The following NPRL3 variants were observed in gnomAD, a reference collection of about 807,000 sequenced individuals.
The protein encoded by NPRL3 is NPR3 like, GATOR1 complex subunit, also known as GATOR1 complex protein NPRL3.
In NPRL3, 23 loss-of-function variants were observed where a neutral mutation model predicts 57.2. The observed-to-expected ratio is 0.40, with a 90% CI of 0.29 to 0.57. NPRL3 has a LOEUF of 0.57. Among genes scored for constraint, NPRL3 ranks in the 20% least tolerant of loss-of-function variants. The probability of loss-of-function intolerance (pLI) is 0.42; values close to 1 mark genes in which losing one functional copy is unlikely to be tolerated. For missense variants in NPRL3, 691 were observed against 767.1 expected, an observed-to-expected ratio of 0.90 and a Z score of 1.17; for synonymous variants, 333 against 321.1, an observed-to-expected ratio of 1.04 and a Z score of -0.39.
At position 85,670 on chromosome 16, in the gene NPRL3, G is replaced by A. The variant is rs765313318; in HGVS notation, c.*1035C>T. 1.1e-5 allele frequency: 17 copies of A among 1,578,698 alleles called. No individual in the cohort carries two copies. Among genetic ancestry groups the A allele is most frequent in the East Asian group, 2.3e-5 (1 of 44,292 alleles). Reference sequence around the variant, plus strand: ...TGTAGTGGCAGCAGCCCGGGTGGGCGTCGGCCATGCAGGGGAGTGGGCCCG... The same window carrying A: ...TGTAGTGGCAGCAGCCCGGGTGGGCATCGGCCATGCAGGGGAGTGGGCCCG... On this transcript the variant is annotated 3_prime_UTR_variant, in exon 14 of 14. Transcript: ENST00000611875.
At chr16:100,751 C>T (rs1437091971) in intron 7 of NPRL3, among the ~76,000 whole-genome samples, 9 of 132,710 alleles carry the variant, frequency 6.8e-5, no homozygotes, top group East Asian at 4.2e-4. Context: ...GGGCGGATCA[C>T]GAGGTCAGCA....
chr16:130,447 G>T, intron 3 of NPRL3, 75 bp downstream of exon 3: 2 of 1,409,638 alleles, frequency 1.4e-6, no homozygotes, highest in Middle Eastern at 2.2e-4. Flanking sequence ...ACATCTGGGT[G>T]AATAGGAGGG....
At chr16:100,223 T>A in intron 8 of NPRL3, 149 bp downstream of exon 8, 1 of 806,524 alleles carries the variant, frequency 1.2e-6, no homozygotes, top group South Asian at 2.8e-5. Context: ...GTGTTTTAAC[T>A]TCTATAAACG....
At chr16:93,158 C>T in intron 10 of NPRL3, 61 bp downstream of exon 10, 1 of 1,091,650 alleles carries the variant, frequency 9.2e-7, no homozygotes, top group South Asian at 1.3e-5. Context: ...ATCTGGAGGG[C>T]CCTGCCAGCC....
intron 5 of NPRL3, among the ~76,000 whole-genome samples, chr16:115,751 G>A (rs1037588588): frequency 5.3e-5 from 8 of 152,202 alleles, no homozygotes; most frequent in African/African-American, 1.9e-4. Context: ...CTCCCAAAGT[G>A]CTGGTATTAC....
chr16:124,412 G>A (rs2141970064), intron 3 of NPRL3, among the ~76,000 whole-genome samples: 1 of 150,954 alleles, frequency 6.6e-6, no homozygotes, highest in South Asian at 2.1e-4. Context: ...TGCTACTCAA[G>A]CTGGTCTCAT....
At chr16:111,249 A>C (rs904534772) in intron 6 of NPRL3, among the ~76,000 whole-genome samples, 3 of 151,788 alleles carry the variant, frequency 2.0e-5, no homozygotes, top group African/African-American at 7.3e-5. Context: ...AAATACAAAA[A>C]ATTAGCCGGG....
intron 7 of NPRL3, among the ~76,000 whole-genome samples, chr16:102,395 A>T (rs985310442): frequency 1.3e-5 from 2 of 152,198 alleles, no homozygotes; most frequent in African/African-American, 4.8e-5. Flanking sequence ...TACTCTTGTC[A>T]AGGCCTGGCT....
chr16:137,948 T>C (rs569907867), intron 2 of NPRL3, among the ~76,000 whole-genome samples: 26 of 152,268 alleles, frequency 1.7e-4, no homozygotes, highest in African/African-American at 6.3e-4. Flanking sequence ...ACTGATGAAA[T>C]GTCAGCAGTA....
At position 130,610 on chromosome 16, in the gene NPRL3, A is replaced by T; in HGVS notation, c.119-19T>A. ...GGCTTACCTGAGTCGGGGCGAAAAGAGGGGAAGGGCTAAGAAAACAGGGTC... is the reference window on the plus strand; with the variant it reads ...GGCTTACCTGAGTCGGGGCGAAAAGTGGGGAAGGGCTAAGAAAACAGGGTC... On this transcript the variant is annotated intron_variant, in intron 2 of 13. Coordinates refer to ENST00000611875, the MANE Select transcript of NPRL3 (RefSeq NM_001077350.3). 3.9e-6 allele frequency: 6 copies of T among 1,552,166 alleles called. No homozygotes were observed. Among genetic ancestry groups the T allele is most frequent in the Non-Finnish European group, 5.2e-6 (6 of 1,147,520 alleles).
chr16:89,590 G>C, intron 12 of NPRL3, 123 bp downstream of exon 12: 1 of 902,982 alleles, frequency 1.1e-6, no homozygotes, highest in Non-Finnish European at 1.6e-6. Context: ...CGAGGCACGT[G>C]CATGTGCGTG....
At chr16:134,357 G>A (rs544567636) in intron 2 of NPRL3, among the ~76,000 whole-genome samples, 28 of 151,980 alleles carry the variant, frequency 1.8e-4, no homozygotes, top group Admixed American at 1.4e-3. Context: ...ATACTTTCCC[G>A]GAGTAAAAAA....
At position 92,611 on chromosome 16, in the gene NPRL3, G is replaced by A. The variant is rs545315227; in HGVS notation, c.1146C>T (p.Ala382=). The change falls in exon 11 of 14, where the codon GCC becomes GCT. Residue 382 remains alanine, a synonymous_variant. Transcript: ENST00000611875. The stretch of plus-strand genomic sequence containing the variant: ...TGTGACTCACCTCCTGCACAGCGGG[G>A]GCCAGGGGATTCCTAAATTCTGACA... ...VSLSEFRNPL[A]PAVQETQLIQ... is the part of the protein sequence containing the mutation. 23 of 1,613,416 alleles carry A rather than the reference G, an allele frequency of 1.4e-5. No homozygotes were observed. In the South Asian group the frequency reaches 2.5e-4, roughly 18 times the overall value.
intron 6 of NPRL3, among the ~76,000 whole-genome samples, chr16:111,608 C>A (rs1205675016): frequency 6.6e-6 from 1 of 151,836 alleles, no homozygotes; most frequent in Non-Finnish European, 1.5e-5. Flanking sequence ...TATGACCATG[C>A]CCGGCTAATT....
chr16:93,374 C>T (rs1033815221), intron 9 of NPRL3, 49 bp from the exon 10 acceptor site: 35 of 1,260,754 alleles, frequency 2.8e-5, no homozygotes, highest in Admixed American at 5.9e-5. Context: ...GCTGGCCCAC[C>T]GGGAGCTGTC....
At position 89,698 on chromosome 16, in the gene NPRL3, C is replaced by A. The variant is rs1898673855; in HGVS notation, c.1351+15G>T. The A allele has an allele frequency of 2.6e-6, 4 of 1,549,164 alleles. No homozygotes were observed. The highest frequency in any genetic ancestry group is 8.7e-7 in the Non-Finnish European group (1 of 1,155,714). Reference sequence around the variant, plus strand: ...GTCTCCCCTGACTACCACAGCGGTGCCCTGGGGGTCCTACTTGGGGAGCCA... The same window carrying A: ...GTCTCCCCTGACTACCACAGCGGTGACCTGGGGGTCCTACTTGGGGAGCCA... On this transcript the variant is annotated intron_variant, in intron 12 of 13. Coordinates refer to ENST00000611875, the MANE Select transcript of NPRL3 (RefSeq NM_001077350.3).
intron 9 of NPRL3, among the ~76,000 whole-genome samples, chr16:97,760 G>A (rs867495113): frequency 6.6e-6 from 1 of 152,110 alleles, no homozygotes; most frequent in Non-Finnish European, 1.5e-5. Context: ...CAAGCTTCCT[G>A]CCCTTAGTTC....
In NPRL3 at chr16:85,648, A is replaced by G; in HGVS notation, c.*1057T>C. 6.3e-7 allele frequency: 1 copy of G among 1,590,784 alleles called. No individual in the cohort carries two copies. The highest frequency in any genetic ancestry group is 8.6e-7 in the Non-Finnish European group (1 of 1,164,310). On this transcript the variant is annotated 3_prime_UTR_variant, in exon 14 of 14. Coordinates refer to ENST00000611875, the MANE Select transcript of NPRL3 (RefSeq NM_001077350.3). The stretch of plus-strand genomic sequence containing the variant: ...CCCTGGAGCCCAGTGAGCCGGCTGT[A>G]GTGGCAGCAGCCCGGGTGGGCGTCG...
chr16:87,597 C>T (rs542964032), intron 13 of NPRL3, among the ~76,000 whole-genome samples: 49 of 150,076 alleles, frequency 3.3e-4, no homozygotes, highest in Admixed American at 4.0e-4. Flanking sequence ...TGCAGTGGCG[C>T]GATCTGGGCT....
Sources: allele counts gnomAD v4.1 joint callset (sites outside exome capture counted in the v4.1 genomes callset), GRCh38; gene constraint gnomAD v4.1.1; transcripts MANE v1.5; gene names NCBI Gene and HGNC (gene_info 2026-07-23, HGNC 2026-07-21).